CARMIL1: variants seen among roughly 807,000 people sequenced by gnomAD.
CARMIL1 encodes capping protein regulator and myosin 1 linker 1.
Under a neutral mutation model 177.1 loss-of-function variants are expected in CARMIL1, and 90 were observed. The observed-to-expected ratio is 0.51, with a 90% CI of 0.43 to 0.61. CARMIL1 has a LOEUF of 0.61. Ranked by LOEUF, CARMIL1 falls within the 20% of genes least tolerant of loss-of-function variation. The pLI, the probability that CARMIL1 is intolerant of heterozygous loss-of-function variation, is 0.00. For missense variants in CARMIL1, 1,380 were observed against 1,667.0 expected, an observed-to-expected ratio of 0.83 and a Z score of 3.00; for synonymous variants, 577 against 606.2, an observed-to-expected ratio of 0.95 and a Z score of 0.71.
intron 2 of CARMIL1, among the ~76,000 whole-genome samples, chr6:25,311,646 G>T (rs74390266): frequency 0.024 from 3,587 of 152,026 alleles, 60 homozygotes; most frequent in Non-Finnish European, 0.038. Context: ...CACCCTGAAG[G>T]TTCTATTGTG....
chr6:25,322,149 G>A (rs1052317302), intron 2 of CARMIL1, among the ~76,000 whole-genome samples: 6 of 149,828 alleles, frequency 4.0e-5, no homozygotes, highest in Non-Finnish European at 8.9e-5. Flanking sequence ...TTGAGACAGA[G>A]TCTCGCTCTG....
intron 2 of CARMIL1, among the ~76,000 whole-genome samples, chr6:25,332,742 T>TACACGCAC (rs756617096): frequency 4.4e-4 from 62 of 140,180 alleles, no homozygotes; most frequent in African/African-American, 1.7e-3. Context: ...CAAACATGCA[T>TACACGCAC]ACACACACAC....
At chr6:25,432,586 T>C (rs972354568) in intron 4 of CARMIL1, among the ~76,000 whole-genome samples, 1 of 152,244 alleles carries the variant, frequency 6.6e-6, no homozygotes, top group Non-Finnish European at 1.5e-5. Flanking sequence ...CCAGCAGTTA[T>C]ACAGTTTTAT....
chr6:25,515,005 A>G lies in CARMIL1; in HGVS notation c.1633-670A>G, dbSNP rs1805833774. On this transcript the variant is annotated intron_variant, in intron 20 of 36. Transcript: ENST00000329474. The surrounding 1 kb of genome is among the most constrained non-coding windows in gnomAD (Gnocchi z 5.0). ...ATAAGCTAATAGGGAGATGTGGTAT[A>G]GGGTTAGGAGCATGAAATCTGGAAC... Among the ~76,000 whole-genome samples, 1 of 152,108 alleles carries G rather than the reference A, an allele frequency of 6.6e-6. No homozygotes were observed. Among genetic ancestry groups the G allele is most frequent in the Admixed American group, 6.5e-5 (1 of 15,276 alleles).
intron 2 of CARMIL1, among the ~76,000 whole-genome samples, chr6:25,294,713 G>A (rs560453432): frequency 6.6e-6 from 1 of 152,244 alleles, no homozygotes; most frequent in East Asian, 1.9e-4. Flanking sequence ...AGGCTAAATA[G>A]GCTCACATCC....
intron 31 of CARMIL1, among the ~76,000 whole-genome samples, chr6:25,589,430 G>A (rs564610568): frequency 6.5e-4 from 99 of 152,300 alleles, no homozygotes; most frequent in African/African-American, 2.4e-3. Flanking sequence ...ATAAATTGCA[G>A]TGTGGCACCC....
intron 5 of CARMIL1, among the ~76,000 whole-genome samples, chr6:25,448,916 CTTTTTTTTTT>C (rs36000360): frequency 7.9e-6 from 1 of 126,434 alleles, no homozygotes; most frequent in African/African-American, 2.9e-5. Flanking sequence ...AGGGATTCTT[CTTTTTTTTTT>C]TTTTTTTGGA....
intron 2 of CARMIL1, among the ~76,000 whole-genome samples, chr6:25,410,741 G>C (rs1053180912): frequency 1.3e-5 from 2 of 152,054 alleles, no homozygotes; most frequent in Admixed American, 6.6e-5. Flanking sequence ...GAGTTGATTT[G>C]GTTTCTGTCT....
chr6:25,315,238 C>T (rs1427831347), intron 2 of CARMIL1, among the ~76,000 whole-genome samples: 2 of 152,162 alleles, frequency 1.3e-5, no homozygotes, highest in African/African-American at 4.8e-5. Context: ...GGAAAATATC[C>T]TAGTCTATCC....
At chr6:25,618,526 C>G (rs1432224549) in intron 36 of CARMIL1, among the ~76,000 whole-genome samples, 3 of 152,090 alleles carry the variant, frequency 2.0e-5, no homozygotes, top group Non-Finnish European at 2.9e-5. Context: ...GAACCTTTTC[C>G]CAAGGTATCA....
chr6:25,618,986 C>A (rs1759513107), intron 36 of CARMIL1, among the ~76,000 whole-genome samples: 1 of 152,210 alleles, frequency 6.6e-6, no homozygotes, highest in Non-Finnish European at 1.5e-5. Flanking sequence ...AGCCCCAAAT[C>A]ATCTGCAGAA....
intron 2 of CARMIL1, among the ~76,000 whole-genome samples, chr6:25,299,170 CTTTTT>C (rs565622591): frequency 8.5e-6 from 1 of 118,080 alleles, no homozygotes. Context: ...ATGCTGGATT[CTTTTT>C]TTTTTTTTTT....
At chr6:25,551,229 CTG>C (rs1467250987) in intron 27 of CARMIL1, 144 bp downstream of exon 27, 3 of 630,954 alleles carry the variant, frequency 4.8e-6, no homozygotes, top group South Asian at 2.1e-5. Context: ...ATAAATATAA[CTG>C]TGCATAAATG....
intron 29 of CARMIL1, among the ~76,000 whole-genome samples, chr6:25,572,668 A>G (rs1013083927): frequency 1.4e-5 from 2 of 144,204 alleles, no homozygotes; most frequent in Non-Finnish European, 1.5e-5. Context: ...GAGCCACTGC[A>G]CTTCAGACTA....
chr6:25,362,089 C>CTGGGA (rs1789268313), intron 2 of CARMIL1, among the ~76,000 whole-genome samples: 1 of 152,076 alleles, frequency 6.6e-6, no homozygotes, highest in South Asian at 2.1e-4. Flanking sequence ...GGCGGGTTCC[C>CTGGGA]AGAACCTTTA....
At chr6:25,581,166 T>C (rs1480224837) in intron 30 of CARMIL1, 77 bp from the exon 31 acceptor site, 2 of 1,409,532 alleles carry the variant, frequency 1.4e-6, no homozygotes, top group Non-Finnish European at 1.9e-6. Context: ...AAATTACTTT[T>C]AGGAATTTTT....
In CARMIL1 at chr6:25,577,995, T is replaced by C. The variant is rs966598493; in HGVS notation, c.2743-2929T>C. On this transcript the variant is annotated intron_variant, in intron 29 of 36. Coordinates refer to ENST00000329474, the MANE Select transcript of CARMIL1 (RefSeq NM_017640.6). The surrounding 1 kb of genome is among the most constrained non-coding windows in gnomAD (Gnocchi z 4.5). ...TTTTTCCTCATACTTTTTTGGGATA[T>C]GGGTTTTGAAAATTATACGTTATTG... 6.6e-6 allele frequency among the ~76,000 whole-genome samples: 1 copy of C among 152,194 alleles called. No individual in the cohort carries two copies. Among genetic ancestry groups the C allele is most frequent in the African/African-American group, 2.4e-5 (1 of 41,452 alleles).
At chr6:25,342,505 T>C (rs970350378) in intron 2 of CARMIL1, among the ~76,000 whole-genome samples, 5 of 152,146 alleles carry the variant, frequency 3.3e-5, no homozygotes, top group African/African-American at 1.2e-4. Context: ...TGACACTTAA[T>C]CTGTAACAGT....
intron 2 of CARMIL1, among the ~76,000 whole-genome samples, chr6:25,309,422 A>G (rs1188807384): frequency 6.6e-6 from 1 of 151,050 alleles, no homozygotes; most frequent in African/African-American, 2.4e-5. Flanking sequence ...TGTACAATTC[A>G]GTGGCTATTA....
Sources: allele counts gnomAD v4.1 joint callset (sites outside exome capture counted in the v4.1 genomes callset), GRCh38; gene constraint gnomAD v4.1.1; non-coding constraint Gnocchi (gnomAD v3.1); transcripts MANE v1.5; gene names NCBI Gene and HGNC (gene_info 2026-07-23, HGNC 2026-07-21).